The following FLT1 variants were observed in gnomAD, a reference collection of about 807,000 sequenced individuals.
FLT1 encodes the protein vascular endothelial growth factor receptor 1.
In FLT1, 49 loss-of-function variants were observed where a neutral mutation model predicts 156.3. That is an observed-to-expected ratio of 0.31 (90% CI 0.25 to 0.40). FLT1 has a LOEUF of 0.40. FLT1 is among the 10% of genes least tolerant of loss of function. FLT1 has a pLI of 1.00. For missense variants in FLT1, 1,322 were observed against 1,637.2 expected (o/e 0.81, Z 3.32); for synonymous variants, 594 against 583.8 (o/e 1.02, Z -0.25).
chr13:28,400,677 T>C (rs968270340), intron 11 of FLT1, among the ~76,000 whole-genome samples: 3 of 152,044 alleles, frequency 2.0e-5, no homozygotes, highest in Non-Finnish European at 2.9e-5. Flanking sequence ...CCAAATACTA[T>C]GGTGTTAAGG....
chr13:28,433,612 C>T (rs755877677), intron 6 of FLT1, among the ~76,000 whole-genome samples: 27 of 152,076 alleles, frequency 1.8e-4, no homozygotes, highest in Non-Finnish European at 3.8e-4. Context: ...AACAAAACCC[C>T]CAGACATCAA....
At chr13:28,329,405 C>T (rs977463893) in intron 19 of FLT1, among the ~76,000 whole-genome samples, 2 of 152,236 alleles carry the variant, frequency 1.3e-5, no homozygotes, top group African/African-American at 4.8e-5. Context: ...AGGGAGTCCT[C>T]TTCAGAATCT....
intron 23 of FLT1, 126 bp from the exon 24 acceptor site, chr13:28,319,660 T>C: frequency 1.5e-6 from 1 of 687,386 alleles, no homozygotes; most frequent in African/African-American, 1.8e-5. Flanking sequence ...GCAGCTCTGG[T>C]TTCCTAACAT....
rs1438681161 is a variant in FLT1 at position 28,379,740 on chromosome 13, GC to G, written c.2116+5144del. On this transcript the variant is annotated intron_variant, in intron 14 of 29. Transcript: ENST00000282397. ...AAGATCCCTTTTATTCCTGCTTGAT[GC>G]CCTTTGGCTCAAGAATTTACTACTC... is the stretch of plus-strand genomic sequence containing the variant. Among the ~76,000 whole-genome samples the G allele has an allele frequency of 2.0e-5, 3 of 152,168 alleles. No homozygotes were observed. In the East Asian group the frequency reaches 5.8e-4, roughly 29 times the overall value.
intron 10 of FLT1, among the ~76,000 whole-genome samples, chr13:28,425,704 C>T (rs139014174): frequency 2.6e-3 from 396 of 151,862 alleles, no homozygotes; most frequent in African/African-American, 9.0e-3. Context: ...CACTTTTATC[C>T]GAATCTAATA....
intron 11 of FLT1, chr13:28,399,172 A>G (rs926629838): frequency 2.3e-6 from 3 of 1,304,926 alleles, no homozygotes; most frequent in Admixed American, 2.0e-5. Context: ...ACATTGTCTC[A>G]GGAAGCTTAG....
chr13:28,379,058 T>C (rs1335968368), intron 14 of FLT1, among the ~76,000 whole-genome samples: 1 of 152,016 alleles, frequency 6.6e-6, no homozygotes, highest in East Asian at 1.9e-4. Context: ...CAAGAATTAG[T>C]GGGGCTGGGC....
chr13:28,335,599 G>A (rs1026694980), intron 17 of FLT1, among the ~76,000 whole-genome samples: 3 of 152,192 alleles, frequency 2.0e-5, no homozygotes, highest in South Asian at 2.1e-4. Context: ...TGTCCAGTTA[G>A]GATGTATGAA....
chr13:28,311,264 C>A (rs528862583), intron 27 of FLT1, among the ~76,000 whole-genome samples: 1 of 152,304 alleles, frequency 6.6e-6, no homozygotes, highest in African/African-American at 2.4e-5. Context: ...GCAACAATAG[C>A]CTTCTTCCAA....
intron 29 of FLT1, 48 bp from the exon 30 acceptor site, chr13:28,303,416 G>T (rs1453887209): frequency 5.9e-6 from 9 of 1,533,254 alleles, no homozygotes; most frequent in Non-Finnish European, 7.1e-6. Context: ...TGGTTTTTTA[G>T]AAAACAAAGA....
intron 26 of FLT1, 98 bp downstream of exon 26, chr13:28,311,895 C>A: frequency 9.3e-7 from 1 of 1,074,346 alleles, no homozygotes; most frequent in East Asian, 2.4e-5. Flanking sequence ...AACTTCTGAT[C>A]TCAGCTATTA....
At chr13:28,363,831 C>T (rs1215583311) in intron 14 of FLT1, among the ~76,000 whole-genome samples, 2 of 152,144 alleles carry the variant, frequency 1.3e-5, no homozygotes, top group Non-Finnish European at 2.9e-5. Flanking sequence ...TGGTCTTGAA[C>T]TCCTGACCTC....
chr13:28,300,836 C>A lies in FLT1; in HGVS notation c.*2331G>T. ...TGCCAACCATTTTTGTCATAAATGG[C>A]AAATGATTGGAATATTATCAGTTAA... On this transcript the variant is annotated 3_prime_UTR_variant, in exon 30 of 30. Transcript: ENST00000282397. The A allele has an allele frequency of 8.6e-6, 2 of 233,142 alleles. No individual in the cohort carries two copies. Among genetic ancestry groups the A allele is most frequent in the Admixed American group, 1.1e-4 (2 of 17,768 alleles). 14.4% of individuals were successfully genotyped at this position (233,142 alleles called of 1,614,324 possible). A position where few individuals can be genotyped will look rare whatever the true frequency, so the allele number is the denominator to read the frequency against.
At chr13:28,486,462 T>G (rs748253) in intron 1 of FLT1, among the ~76,000 whole-genome samples, 89,147 of 152,082 alleles carry the variant, frequency 0.59, 26,997 homozygotes, top group Admixed American at 0.72. Flanking sequence ...AATTTTGCAG[T>G]CATACTGGAG....
intron 11 of FLT1, among the ~76,000 whole-genome samples, chr13:28,399,409 G>A (rs998363005): frequency 6.6e-6 from 1 of 152,122 alleles, no homozygotes; most frequent in Non-Finnish European, 1.5e-5. Context: ...ATTATGGACA[G>A]CATTTATCTG....
At chr13:28,442,691 T>G (rs1878395056) in intron 3 of FLT1, among the ~76,000 whole-genome samples, 1 of 137,958 alleles carries the variant, frequency 7.2e-6, no homozygotes, top group South Asian at 2.4e-4. Context: ...AATGAGCATA[T>G]GACTGTAGAT....
At chr13:28,369,073 A>G (rs1401241401) in intron 14 of FLT1, among the ~76,000 whole-genome samples, 2 of 152,218 alleles carry the variant, frequency 1.3e-5, no homozygotes, top group Non-Finnish European at 2.9e-5. Context: ...GCCAAAATAT[A>G]GAAATGGCTA....
intron 11 of FLT1, among the ~76,000 whole-genome samples, chr13:28,399,623 T>C (rs946692441): frequency 6.6e-6 from 1 of 152,166 alleles, no homozygotes; most frequent in African/African-American, 2.4e-5. Context: ...TAGGTCCAAA[T>C]TTATGTATAA....
chr13:28,360,918 T>A (rs1469803188), intron 14 of FLT1, among the ~76,000 whole-genome samples: 1 of 152,240 alleles, frequency 6.6e-6, no homozygotes, highest in African/African-American at 2.4e-5. Flanking sequence ...ATTGTATACA[T>A]GTATTAATAT....
Sources: allele counts gnomAD v4.1 joint callset (sites outside exome capture counted in the v4.1 genomes callset), GRCh38; gene constraint gnomAD v4.1.1; transcripts MANE v1.5; gene names NCBI Gene and HGNC (gene_info 2026-07-23, HGNC 2026-07-21).